SP6: variants seen among roughly 807,000 people sequenced by gnomAD.
SP6 encodes Sp6 transcription factor.
SP6 carries 10 observed loss-of-function variants against 23.4 expected under a neutral mutation model. The observed-to-expected ratio is 0.43, with a 90% CI of 0.26 to 0.72. The LOEUF (loss-of-function observed/expected upper bound fraction) is 0.72, where lower values mean the gene tolerates loss of function less well. Among genes scored for constraint, SP6 ranks in the 30% least tolerant of loss-of-function variants. The pLI is 0.23. For missense variants in SP6, 482 were observed against 523.8 expected, an observed-to-expected ratio of 0.92 and a Z score of 0.78; for synonymous variants, 238 against 238.7, an observed-to-expected ratio of 1.00 and a Z score of 0.03.
At chr17:47,852,366 C>T (rs1177568024), upstream of SP6, among the ~76,000 whole-genome samples, 1 of 152,154 alleles carries the variant, frequency 6.6e-6, no homozygotes, top group East Asian at 1.9e-4. Context: ...TCTGCCTGGC[C>T]GCTGAGGTGG....
At chr17:47,858,321 A>G (rs1750595405), upstream of SP6, among the ~76,000 whole-genome samples, 1 of 151,826 alleles carries the variant, frequency 6.6e-6, no homozygotes. Context: ...TCTGCTTTCC[A>G]AGCTACTCTT....
At chr17:47,868,084 A>C in the SP6 span, among the ~76,000 whole-genome samples, 16 of 151,686 alleles carry the variant, frequency 1.1e-4, no homozygotes, top group African/African-American at 3.6e-4. Flanking sequence ...GTTCATCCAG[A>C]CCCCAGTGCA....
the SP6 span, among the ~76,000 whole-genome samples, chr17:47,875,822 G>T: frequency 3.3e-5 from 5 of 152,142 alleles, no homozygotes; most frequent in African/African-American, 1.2e-4. Flanking sequence ...TCCTTTAACT[G>T]TGGCTCTTCT....
the SP6 span, among the ~76,000 whole-genome samples, chr17:47,874,889 T>A: frequency 6.6e-6 from 1 of 152,060 alleles, no homozygotes; most frequent in African/African-American, 2.4e-5. Context: ...TACTTTTCCC[T>A]AAAGTTGAGG....
chr17:47,868,078 A>T, the SP6 span, among the ~76,000 whole-genome samples: 322 of 152,210 alleles, frequency 2.1e-3, no homozygotes, highest in African/African-American at 7.6e-3. Flanking sequence ...CCAGAGGTTC[A>T]TCCAGACCCC....
the SP6 span, among the ~76,000 whole-genome samples, chr17:47,863,118 G>A: frequency 2.6e-5 from 4 of 152,272 alleles, no homozygotes; most frequent in South Asian, 4.1e-4. Flanking sequence ...CACAGCAGGA[G>A]GGCCCTCTGG....
the SP6 span, among the ~76,000 whole-genome samples, chr17:47,862,983 G>A: frequency 6.6e-6 from 1 of 152,280 alleles, no homozygotes; most frequent in Non-Finnish European, 1.5e-5. Context: ...TAAACAGGAA[G>A]TGCCAAATTA....
the SP6 span, among the ~76,000 whole-genome samples, chr17:47,869,865 A>G: frequency 6.6e-6 from 1 of 152,228 alleles, no homozygotes; most frequent in South Asian, 2.1e-4. Context: ...TTCTATATTT[A>G]TAACACTTTT....
At position 47,848,341 on chromosome 17, in the gene SP6, T is replaced by C. The variant is rs2033918803; in HGVS notation, c.89A>G (p.Gln30Arg). Residue 30 changes from glutamine (Q) to arginine (R), a missense_variant, in exon 2 of 2, where the codon CAA becomes CGA. By Grantham distance (43) the Gln-to-Arg change is conservative. Around this residue, in one of 3 missense-constraint regions of SP6, gnomAD observed 330 missense variants for 332.3 expected, o/e 0.99. Transcript: ENST00000536300. The surrounding 1 kb of genome is among the most constrained non-coding windows in gnomAD (Gnocchi z 5.3). ...SPPRLDLQPLQTYQGHTSPEA... is the reference protein window; with the variant it reads ...SPPRLDLQPLRTYQGHTSPEA... ...AGGGCTCGTGTGGCCCTGGTAAGTT[T>C]GGAGAGGCTGCAGGTCGAGGCGCGG... is the stretch of plus-strand genomic sequence containing the variant. 4.4e-6 allele frequency: 7 copies of C among 1,606,870 alleles called. No homozygotes were observed. The highest frequency in any genetic ancestry group is 5.9e-6 in the Non-Finnish European group (7 of 1,176,878).
chr17:47,857,043 G>A (rs1167792638), upstream of SP6, among the ~76,000 whole-genome samples: 1 of 152,064 alleles, frequency 6.6e-6, no homozygotes, highest in Non-Finnish European at 1.5e-5. Context: ...AGGCCCTGAA[G>A]AGGTAAAAGC....
rs1374219226 is a variant in SP6, at chr17:47,847,240, C to T, written c.*59G>A. 2 of 1,445,372 alleles carry T rather than the reference C, an allele frequency of 1.4e-6. No homozygotes were observed. Among genetic ancestry groups the T allele is most frequent in the Non-Finnish European group, 1.8e-6 (2 of 1,096,446 alleles). The allele number at this position is 1,445,372 out of a possible 1,614,324, so 89.5% of individuals were successfully genotyped here. A position where few individuals can be genotyped will look rare whatever the true frequency, so the allele number is the denominator to read the frequency against. ...TCAAGCCACCCCCAAGGACGTCAGA[C>T]CTGGGGGCTCGCATCCAGTGCCCCC... On this transcript the variant is annotated 3_prime_UTR_variant, in exon 2 of 2. Coordinates refer to ENST00000536300, the MANE Select transcript of SP6 (RefSeq NM_001258248.2).
chr17:47,849,202 C>A (rs1393673036), intron 1 of SP6, among the ~76,000 whole-genome samples: 1 of 152,064 alleles, frequency 6.6e-6, no homozygotes, highest in Non-Finnish European at 1.5e-5. Flanking sequence ...TGGGAGATAC[C>A]CCCACCAGAG....
the SP6 span, among the ~76,000 whole-genome samples, chr17:47,875,941 G>T: frequency 6.6e-6 from 1 of 152,152 alleles, no homozygotes; most frequent in Non-Finnish European, 1.5e-5. Context: ...ATTCCCTGAG[G>T]GTGAGTGAAG....
At chr17:47,863,393 T>C in the SP6 span, 1 of 152,098 alleles carries the variant, frequency 6.6e-6, no homozygotes, top group Non-Finnish European at 1.5e-5. Context: ...GTGCTTGGAA[T>C]GGTGCCTGGG....
the SP6 span, among the ~76,000 whole-genome samples, chr17:47,872,499 G>C: frequency 6.6e-6 from 1 of 152,214 alleles, no homozygotes; most frequent in Non-Finnish European, 1.5e-5. Flanking sequence ...AGGAGGCTCA[G>C]TGGCGGCGGC....
chr17:47,868,311 G>A, the SP6 span, among the ~76,000 whole-genome samples: 1 of 152,232 alleles, frequency 6.6e-6, no homozygotes, highest in South Asian at 2.1e-4. Flanking sequence ...CCAACATGGT[G>A]CCTCCTGTAC....
At chr17:47,865,366 G>A in the SP6 span, among the ~76,000 whole-genome samples, 5 of 152,040 alleles carry the variant, frequency 3.3e-5, no homozygotes, top group Non-Finnish European at 7.4e-5. Flanking sequence ...ACGGCGCCGT[G>A]TCCCCCTTGT....
the SP6 span, among the ~76,000 whole-genome samples, chr17:47,865,364 G>A: frequency 3.9e-5 from 6 of 152,054 alleles, no homozygotes; most frequent in South Asian, 2.1e-4. Context: ...AAACGGCGCC[G>A]TGTCCCCCTT....
At chr17:47,870,858 T>C in the SP6 span, among the ~76,000 whole-genome samples, 1 of 152,174 alleles carries the variant, frequency 6.6e-6, no homozygotes, top group Non-Finnish European at 1.5e-5. Context: ...CACTGGCAAC[T>C]TTCTCTCCAC....
Sources: gnomAD v4.1 joint callset for allele counts (sites outside exome capture counted in the v4.1 genomes callset) on GRCh38, gnomAD v4.1.1 for gene constraint, gnomAD v4.1.1 regional missense constraint, Gnocchi (gnomAD v3.1) non-coding constraint, MANE v1.5 for transcripts, NCBI Gene and HGNC (gene_info 2026-07-23, HGNC 2026-07-21) for gene names.